The following ENAH variants were observed in gnomAD, a reference collection of about 807,000 sequenced individuals.
ENAH encodes the protein protein enabled homolog.
A neutral mutation model predicts 78.7 loss-of-function variants in ENAH; 23 were observed. The ratio of observed to expected loss-of-function variants is 0.29; its 90% CI spans 0.21 to 0.41. The LOEUF (loss-of-function observed/expected upper bound fraction) is 0.41. ENAH is among the 10% of genes least tolerant of loss of function. The pLI is 1.00. For synonymous variants in ENAH, 226 were observed against 241.0 expected, an observed-to-expected ratio of 0.94 and a Z score of 0.58; for missense variants, 544 against 691.0, an observed-to-expected ratio of 0.79 and a Z score of 2.39.
rs1450435455 is a variant in ENAH at position 225,554,982 on chromosome 1, A to G, written c.273T>C (p.Phe91=). ...AGACATTGGCATCCTCTTTGCTGCC[A>G]AAGTTGAGACCATACACCTGTCTAG... ...RDARQVYGLN[F]GSKEDANVFA... Residue 91 remains phenylalanine (F), a synonymous_variant, in exon 3 of 14, where the codon TTT becomes TTC. Coordinates refer to ENST00000366843, the MANE Select transcript of ENAH (RefSeq NM_018212.6). The G allele has an allele frequency of 1.9e-6, 3 of 1,606,592 alleles. No individual in the cohort carries two copies. Among genetic ancestry groups the G allele is most frequent in the Non-Finnish European group, 2.6e-6 (3 of 1,174,320 alleles).
chr1:225,639,721 C>CACACAA (rs1207850709), intron 1 of ENAH, among the ~76,000 whole-genome samples: 1 of 148,000 alleles, frequency 6.8e-6, no homozygotes, highest in East Asian at 1.9e-4. Flanking sequence ...CACACACACA[C>CACACAA]ACACACACAC....
chr1:225,534,088 A>C (rs1488036629), intron 3 of ENAH, among the ~76,000 whole-genome samples: 3 of 152,106 alleles, frequency 2.0e-5, no homozygotes, highest in Admixed American at 6.6e-5. Flanking sequence ...TATGGACCTC[A>C]ACATATTAAA....
intron 7 of ENAH, among the ~76,000 whole-genome samples, 163 bp downstream of exon 7, chr1:225,514,433 G>A (rs1292131603): frequency 1.3e-5 from 2 of 151,976 alleles, no homozygotes; most frequent in African/African-American, 4.8e-5. Context: ...CCAAAGTGCA[G>A]GGATTATACA....
At chr1:225,565,938 C>T (rs140827931) in intron 2 of ENAH, among the ~76,000 whole-genome samples, 2 of 152,208 alleles carry the variant, frequency 1.3e-5, no homozygotes, top group Non-Finnish European at 2.9e-5. Context: ...AGGCCGAAAC[C>T]GTCTGTATAA....
At position 225,490,252 on chromosome 1, in the gene ENAH, A is replaced by G. The variant is rs760515935; in HGVS notation, c.*7523T>C. On this transcript the variant is annotated 3_prime_UTR_variant, in exon 14 of 14. Transcript: ENST00000366843. ...TGGCAAAGACATGGACTCAATAACA[A>G]TTTTTACCATGTTTTCTTTCAGAAA... 5 of 152,154 alleles carry G rather than the reference A, an allele frequency of 3.3e-5. No individual in the cohort carries two copies. Among genetic ancestry groups the G allele is most frequent in the Non-Finnish European group, 7.3e-5 (5 of 68,032 alleles). 9.4% of individuals were successfully genotyped at this position (152,154 alleles called of 1,614,324 possible).
At position 225,646,288 on chromosome 1, in the gene ENAH, T is replaced by C. The variant is rs557501388; in HGVS notation, c.5+6398A>G. On this transcript the variant is annotated intron_variant, in intron 1 of 13. Coordinates refer to ENST00000366843, the MANE Select transcript of ENAH (RefSeq NM_018212.6). ...GGAAAAAGGGCTTTTAGGAGGTAAC[T>C]AATGTTAAATTAAGTTATAAGCACA... 3.9e-5 allele frequency among the ~76,000 whole-genome samples: 6 copies of C among 152,146 alleles called. 1 individual carries two copies. Among genetic ancestry groups the C allele is most frequent in the African/African-American group, 7.2e-5 (3 of 41,414 alleles).
intron 4 of ENAH, among the ~76,000 whole-genome samples, chr1:225,528,066 T>C (rs2096518798): frequency 6.6e-6 from 1 of 152,194 alleles, no homozygotes; most frequent in Non-Finnish European, 1.5e-5. Flanking sequence ...AAATATATAC[T>C]TTCTGTCTTA....
intron 1 of ENAH, among the ~76,000 whole-genome samples, chr1:225,651,459 A>G (rs1662988504): frequency 6.6e-6 from 1 of 152,248 alleles, no homozygotes; most frequent in South Asian, 2.1e-4. Context: ...AATTCCAATG[A>G]CATGACATTT....
Position 225,512,719 on chromosome 1 carries a change from AAAG to A in ENAH, c.1365-8_1365-6del. Reference sequence around the variant, plus strand: ...CCCTTTTCAGCAATTCTTCTCCTACAAAGAAGGCAAATCCGATTTTTAAAAATA... The same window carrying A: ...CCCTTTTCAGCAATTCTTCTCCTACAAAGGCAAATCCGATTTTTAAAAATA... On this transcript the variant is annotated splice_region_variant and splice_polypyrimidine_tract_variant and intron_variant, in intron 8 of 13. Coordinates refer to ENST00000366843, the MANE Select transcript of ENAH (RefSeq NM_018212.6). 5.6e-6 allele frequency: 9 copies of A among 1,613,242 alleles called. No homozygotes were observed. The highest frequency in any genetic ancestry group is 7.6e-6 in the Non-Finnish European group (9 of 1,179,698).
chr1:225,538,169 G>A (rs1055821547), intron 3 of ENAH, among the ~76,000 whole-genome samples: 1 of 152,020 alleles, frequency 6.6e-6, no homozygotes, highest in Non-Finnish European at 1.5e-5. Context: ...TTCACACTTC[G>A]GACCATCAGT....
intron 2 of ENAH, among the ~76,000 whole-genome samples, chr1:225,560,785 T>G (rs1231712512): frequency 3.3e-5 from 5 of 152,338 alleles, no homozygotes; most frequent in African/African-American, 1.2e-4. Context: ...CAAATCAATA[T>G]CCCTGCTTGG....
In ENAH at chr1:225,488,748, T is replaced by C. The variant is rs2096210087; in HGVS notation, c.*9027A>G. ...CGCACCAAGAACCAAAGTAAAAGAA[T>C]GTCAGCAAAACAGGACCCATCTTTT... is the stretch of plus-strand genomic sequence containing the variant. On this transcript the variant is annotated 3_prime_UTR_variant, in exon 14 of 14. Coordinates refer to ENST00000366843, the MANE Select transcript of ENAH (RefSeq NM_018212.6). The C allele has an allele frequency of 1.3e-5, 2 of 152,192 alleles. No individual in the cohort carries two copies. The highest frequency in any genetic ancestry group is 4.1e-4 in the South Asian group (2 of 4,832). The allele number at this position is 152,192 out of a possible 1,614,324, so 9.4% of individuals were successfully genotyped here.
At chr1:225,649,524 T>A (rs1662583451) in intron 1 of ENAH, among the ~76,000 whole-genome samples, 1 of 152,140 alleles carries the variant, frequency 6.6e-6, no homozygotes, top group African/African-American at 2.4e-5. Context: ...TCACAAAGCA[T>A]CTTACACTTT....
At chr1:225,648,730 AC>A (rs1662423982) in intron 1 of ENAH, among the ~76,000 whole-genome samples, 1 of 151,434 alleles carries the variant, frequency 6.6e-6, no homozygotes. Flanking sequence ...ACTTCACAAA[AC>A]AATCCTGTGA....
intron 1 of ENAH, among the ~76,000 whole-genome samples, chr1:225,642,402 G>C (rs1218578852): frequency 6.6e-6 from 1 of 152,088 alleles, no homozygotes; most frequent in Non-Finnish European, 1.5e-5. Flanking sequence ...TTCATACTAG[G>C]GCATGTTGTC....
At chr1:225,506,212 T>A (rs1024967486) in intron 11 of ENAH, among the ~76,000 whole-genome samples, 2 of 152,128 alleles carry the variant, frequency 1.3e-5, no homozygotes, top group African/African-American at 4.8e-5. Context: ...AAAGGACAAA[T>A]GACACATGAC....
intron 1 of ENAH, among the ~76,000 whole-genome samples, chr1:225,622,865 G>A (rs886915245): frequency 3.9e-5 from 6 of 152,166 alleles, no homozygotes; most frequent in Admixed American, 2.0e-4. Flanking sequence ...GGATCACAGA[G>A]AGTAATTTGC....
intron 1 of ENAH, among the ~76,000 whole-genome samples, chr1:225,614,078 A>C (rs1242859503): frequency 1.4e-5 from 2 of 146,254 alleles, no homozygotes; most frequent in Non-Finnish European, 3.0e-5. Context: ...TTTTTTTTTG[A>C]GATGGAGTCT....
chr1:225,642,389 G>C (rs934549748), intron 1 of ENAH, among the ~76,000 whole-genome samples: 1 of 152,134 alleles, frequency 6.6e-6, no homozygotes. Context: ...TCTGGTAAGA[G>C]CTTTCATACT....
Sources: gnomAD v4.1 joint callset for allele counts (sites outside exome capture counted in the v4.1 genomes callset) on GRCh38, gnomAD v4.1.1 for gene constraint, MANE v1.5 for transcripts, NCBI Gene and HGNC (gene_info 2026-07-23, HGNC 2026-07-21) for gene names.